OPHN1: variants seen among roughly 807,000 people sequenced by gnomAD.
OPHN1 encodes the protein oligophrenin-1.
Under a neutral mutation model 60.7 loss-of-function variants are expected in OPHN1, and 11 were observed. That is an observed-to-expected ratio of 0.18 (90% confidence interval 0.11 to 0.30). The LOEUF (loss-of-function observed/expected upper bound fraction) is 0.30, where lower values mean the gene tolerates loss of function less well. OPHN1 is among the 10% of genes least tolerant of loss of function. The pLI is 1.00. For missense variants in OPHN1, 449 were observed against 611.0 expected (o/e 0.73, Z 2.80); for synonymous variants, 226 against 222.6 (o/e 1.02, Z -0.14).
At chrX:68,256,925 G>A (rs1048066949) in intron 5 of OPHN1, among the ~76,000 whole-genome samples, 4 of 109,834 alleles carry the variant, frequency 3.6e-5, no homozygotes, top group Non-Finnish European at 7.6e-5. Flanking sequence ...CCAGCTACTC[G>A]GGAGGCTGAG....
rs375300134 is a variant in OPHN1 at position 68,071,388 on chromosome X, T to C, written c.1834+1764A>G. ...CCCAGAGTTTTCCCTTCCCTTCTTC[T>C]TCCACATGAAAGTGGAGGTTCTCCA... On this transcript the variant is annotated intron_variant, in intron 20 of 24. Transcript: ENST00000355520. 2.8e-5 allele frequency: 20 copies of C among 721,957 alleles called. No individual in the cohort carries two copies. In the East Asian group the frequency reaches 2.9e-4, roughly 10 times the overall value. 59.5% of individuals were successfully genotyped at this position (721,957 alleles called of 1,213,427 possible).
At chrX:68,342,115 G>A (rs2078356017) in intron 2 of OPHN1, among the ~76,000 whole-genome samples, 1 of 107,843 alleles carries the variant, frequency 9.3e-6, no homozygotes, top group African/African-American at 3.4e-5. Flanking sequence ...GACCACAGGT[G>A]TGCACCACCA....
chrX:68,309,795 T>C (rs1210852311), intron 2 of OPHN1, among the ~76,000 whole-genome samples: 5 of 112,056 alleles, frequency 4.5e-5, no homozygotes, highest in Non-Finnish European at 7.5e-5. Context: ...TTTCTACTTC[T>C]TGTTGATGGG....
intron 15 of OPHN1, among the ~76,000 whole-genome samples, chrX:68,165,776 G>A (rs2077355344): frequency 8.9e-6 from 1 of 111,997 alleles, no homozygotes; most frequent in African/African-American, 3.2e-5. Context: ...CATGAAATGA[G>A]GTATGCCAGA....
At chrX:68,303,984 C>A (rs67555027) in intron 2 of OPHN1, among the ~76,000 whole-genome samples, 2 of 110,575 alleles carry the variant, frequency 1.8e-5, no homozygotes, top group African/African-American at 6.6e-5. Context: ...TATGGCTAGA[C>A]AGAAGAAAAA....
chrX:68,159,594 A>G (rs2077325017), intron 15 of OPHN1, among the ~76,000 whole-genome samples: 1 of 111,968 alleles, frequency 8.9e-6, no homozygotes, highest in South Asian at 3.7e-4. Context: ...CAAAAAAACT[A>G]TCAAAAGTAA....
intron 15 of OPHN1, among the ~76,000 whole-genome samples, chrX:68,167,270 T>C (rs1409060984): frequency 1.8e-5 from 2 of 111,710 alleles, no homozygotes; most frequent in Non-Finnish European, 3.8e-5. Flanking sequence ...GATCATCATA[T>C]AAACGCAAAT....
intron 2 of OPHN1, among the ~76,000 whole-genome samples, chrX:68,416,063 TATATAGAGAGAGAGAGAGAGAGAG>T (rs1438353122): frequency 3.2e-4 from 2 of 6,325 alleles, no homozygotes; most frequent in African/African-American, 6.1e-4. Context: ...TATATATATA[TATATAGAGAGAGAGAGAGAGAGAG>T]AGAGAGAGAG....
chrX:68,377,760 T>G, intron 2 of OPHN1, among the ~76,000 whole-genome samples: 1 of 111,435 alleles, frequency 9.0e-6, no homozygotes, highest in East Asian at 2.8e-4. Context: ...GGACATGAAC[T>G]CATCATTTTT....
intron 15 of OPHN1, among the ~76,000 whole-genome samples, chrX:68,159,371 G>A (rs1205857734): frequency 1.8e-5 from 2 of 111,491 alleles, no homozygotes; most frequent in East Asian, 2.8e-4. Context: ...TCCTGCAAAG[G>A]GGTCCAAAAA....
At chrX:68,234,381 G>T in intron 6 of OPHN1, 106 bp downstream of exon 6, 2 of 630,703 alleles carry the variant, frequency 3.2e-6, no homozygotes, top group African/African-American at 2.2e-5. Context: ...ATCACATGAG[G>T]TTCCCTGCTG....
intron 2 of OPHN1, among the ~76,000 whole-genome samples, chrX:68,362,447 A>G (rs1467098118): frequency 2.7e-5 from 3 of 112,306 alleles, no homozygotes; most frequent in African/African-American, 9.7e-5. Context: ...TCCATTGTCA[A>G]GCATGTGATT....
At chrX:68,078,071 C>G (rs1428705959) in intron 19 of OPHN1, among the ~76,000 whole-genome samples, 2 of 111,548 alleles carry the variant, frequency 1.8e-5, no homozygotes, top group Non-Finnish European at 3.8e-5. Context: ...TAGCTTAAAT[C>G]CCCCTTCTCT....
chrX:68,336,249 A>G (rs2147683917), intron 2 of OPHN1, among the ~76,000 whole-genome samples: 1 of 111,294 alleles, frequency 9.0e-6, no homozygotes, highest in African/African-American at 3.3e-5. Flanking sequence ...ATAGGCCAGG[A>G]ACAGTGTTCA....
At chrX:68,328,418 G>C (rs1034703704) in intron 2 of OPHN1, among the ~76,000 whole-genome samples, 5 of 113,006 alleles carry the variant, frequency 4.4e-5, no homozygotes, top group Non-Finnish European at 9.4e-5. Flanking sequence ...GTGAGCCACC[G>C]CGCCCAGCCA....
intron 10 of OPHN1, among the ~76,000 whole-genome samples, chrX:68,201,991 A>C (rs2077537173): frequency 8.9e-6 from 1 of 112,039 alleles, no homozygotes; most frequent in Admixed American, 9.5e-5. Context: ...AGCTCAATAC[A>C]TATCATGTAA....
At chrX:68,275,427 C>A (rs999458950) in intron 4 of OPHN1, among the ~76,000 whole-genome samples, 3 of 111,225 alleles carry the variant, frequency 2.7e-5, no homozygotes, top group Admixed American at 1.9e-4. Flanking sequence ...ACATCAAAAT[C>A]AAAGAAGACC....
intron 2 of OPHN1, among the ~76,000 whole-genome samples, chrX:68,376,083 C>T (rs1293627814): frequency 9.0e-6 from 1 of 111,560 alleles, no homozygotes; most frequent in Non-Finnish European, 1.9e-5. Context: ...TGAAGGAGTT[C>T]CTAGATAAAT....
intron 5 of OPHN1, among the ~76,000 whole-genome samples, chrX:68,267,245 A>G (rs2077935323): frequency 9.0e-6 from 1 of 111,274 alleles, no homozygotes; most frequent in African/African-American, 3.3e-5. Flanking sequence ...GCACCACACC[A>G]CACCTACTCC....
Sources: allele counts gnomAD v4.1 joint callset (sites outside exome capture counted in the v4.1 genomes callset), GRCh38; gene constraint gnomAD v4.1.1; transcripts MANE v1.5; gene names NCBI Gene and HGNC (gene_info 2026-07-23, HGNC 2026-07-21).